The following KCNH7 variants were observed in gnomAD, a reference collection of about 807,000 sequenced individuals.
The protein encoded by KCNH7 is potassium voltage-gated channel subfamily H member 7.
KCNH7 carries 49 observed loss-of-function variants against 120.8 expected under a neutral mutation model. That is an observed-to-expected ratio of 0.41 (90% CI 0.32 to 0.51). The LOEUF (loss-of-function observed/expected upper bound fraction) is 0.51, where lower values mean the gene tolerates loss of function less well. KCNH7 is among the 20% of genes least tolerant of loss of function. The pLI is 0.38. For synonymous variants in KCNH7, 547 were observed against 516.1 expected, an observed-to-expected ratio of 1.06 and a Z score of -0.81; for missense variants, 1,097 against 1,446.6, an observed-to-expected ratio of 0.76 and a Z score of 3.92.
chr2:162,616,272 G>T (rs564136165), intron 2 of KCNH7, among the ~76,000 whole-genome samples: 3 of 152,248 alleles, frequency 2.0e-5, no homozygotes, highest in African/African-American at 4.8e-5. Flanking sequence ...GTTTATAAAG[G>T]TTGAAAATGC....
rs971670605 is a variant in KCNH7 at position 162,442,019 on chromosome 2, T to C, written c.1554+3999A>G. Reference sequence around the variant, plus strand: ...GTCTTCTTTTTTTTTTTTTTTTTTTTTTTTTTTTTTTTTTTGAGATGGAGT... The same window carrying C: ...GTCTTCTTTTTTTTTTTTTTTTTTTCTTTTTTTTTTTTTTTGAGATGGAGT... On this transcript the variant is annotated intron_variant, in intron 7 of 15. Transcript: ENST00000332142. Among the ~76,000 whole-genome samples the C allele has an allele frequency of 7.7e-3, 825 of 106,510 alleles. 24 individuals are homozygous for C. The highest frequency in any genetic ancestry group is 0.034 in the African/African-American group (782 of 22,806). 69.9% of individuals were successfully genotyped at this position (106,510 alleles called of 152,430 possible).
intron 2 of KCNH7, among the ~76,000 whole-genome samples, chr2:162,711,157 A>T (rs1686915822): frequency 1.3e-5 from 2 of 152,250 alleles, no homozygotes; most frequent in Admixed American, 6.5e-5. Context: ...TATTAAGGGG[A>T]AATGTAGATT....
intron 5 of KCNH7, among the ~76,000 whole-genome samples, chr2:162,512,226 A>T (rs2105771960): frequency 6.6e-6 from 1 of 151,946 alleles, no homozygotes; most frequent in African/African-American, 2.4e-5. Flanking sequence ...ACGTGAAACT[A>T]GTTTTGAGGA....
chr2:162,801,901 T>C (rs2105544906), intron 2 of KCNH7, among the ~76,000 whole-genome samples: 1 of 151,760 alleles, frequency 6.6e-6, no homozygotes, highest in Non-Finnish European at 1.5e-5. Flanking sequence ...GGCCCTGGAG[T>C]TTGTTATTAA....
At chr2:162,383,507 C>T (rs530138094) in intron 13 of KCNH7, among the ~76,000 whole-genome samples, 132 of 151,968 alleles carry the variant, frequency 8.7e-4, no homozygotes, top group African/African-American at 2.8e-3. Context: ...GGAAAAGCAA[C>T]TCTGGAAAAA....
chr2:162,398,691 T>A (rs1323688573), intron 10 of KCNH7, among the ~76,000 whole-genome samples: 1 of 151,908 alleles, frequency 6.6e-6, no homozygotes, highest in Non-Finnish European at 1.5e-5. Flanking sequence ...TACTACTTGA[T>A]AAAGCAAGAA....
chr2:162,549,942 T>C (rs897499622), intron 2 of KCNH7, among the ~76,000 whole-genome samples: 3 of 152,180 alleles, frequency 2.0e-5, no homozygotes, highest in African/African-American at 4.8e-5. Context: ...ATTTGTTTCA[T>C]TGATATTTTA....
chr2:162,382,668 G>A (rs956784350), intron 13 of KCNH7, among the ~76,000 whole-genome samples: 10 of 152,086 alleles, frequency 6.6e-5, no homozygotes, highest in Non-Finnish European at 1.3e-4. Context: ...GAATATGAGT[G>A]AGTGACATGT....
At chr2:162,660,961 C>A (rs1452138541) in intron 2 of KCNH7, among the ~76,000 whole-genome samples, 1 of 152,176 alleles carries the variant, frequency 6.6e-6, no homozygotes, top group Non-Finnish European at 1.5e-5. Context: ...TTGTTAACAA[C>A]AAGTTCTGTA....
chr2:162,452,675 G>A (rs1234947234), intron 6 of KCNH7, among the ~76,000 whole-genome samples: 1 of 151,930 alleles, frequency 6.6e-6, no homozygotes, highest in Non-Finnish European at 1.5e-5. Context: ...TTAAAATACA[G>A]CCACATTTCA....
intron 9 of KCNH7, among the ~76,000 whole-genome samples, chr2:162,418,290 G>T (rs1301271876): frequency 6.6e-6 from 1 of 151,962 alleles, no homozygotes; most frequent in Non-Finnish European, 1.5e-5. Context: ...ATGCATGGAG[G>T]ATTATCTGGA....
intron 6 of KCNH7, among the ~76,000 whole-genome samples, chr2:162,448,597 T>G (rs1688665197): frequency 6.6e-6 from 1 of 152,136 alleles, no homozygotes. Flanking sequence ...GTGAGTTTGC[T>G]CACTGCTTAG....
At chr2:162,749,452 T>C (rs1175784604) in intron 2 of KCNH7, among the ~76,000 whole-genome samples, 1 of 152,174 alleles carries the variant, frequency 6.6e-6, no homozygotes, top group African/African-American at 2.4e-5. Context: ...GTGGGGCTTA[T>C]GTCCTAATTT....
Position 162,373,467 on chromosome 2 carries a change from T to C in KCNH7, c.3324+3A>G, listed in dbSNP as rs2105385754. 6.6e-7 allele frequency: 1 copy of C among 1,517,264 alleles called. No individual in the cohort carries two copies. The highest frequency in any genetic ancestry group is 8.9e-7 in the Non-Finnish European group (1 of 1,128,908). 94.0% of individuals were successfully genotyped at this position (1,517,264 alleles called of 1,614,324 possible). Reference sequence around the variant, plus strand: ...CTCTTGGTTGGATGGTATCCACACTTACTTGTGAGGAAGGGCTGAAACTTC... The same window carrying C: ...CTCTTGGTTGGATGGTATCCACACTCACTTGTGAGGAAGGGCTGAAACTTC... On this transcript the variant is annotated splice_donor_region_variant and intron_variant, in intron 15 of 15. Coordinates refer to ENST00000332142, the MANE Select transcript of KCNH7 (RefSeq NM_033272.4).
At chr2:162,392,516 A>G (rs1416317965) in intron 12 of KCNH7, among the ~76,000 whole-genome samples, 1 of 151,942 alleles carries the variant, frequency 6.6e-6, no homozygotes, top group Non-Finnish European at 1.5e-5. Flanking sequence ...AAGAAAAGGG[A>G]AAAGAATAAA....
chr2:162,487,431 C>T (rs1411914185), intron 6 of KCNH7, among the ~76,000 whole-genome samples: 1 of 151,918 alleles, frequency 6.6e-6, no homozygotes, highest in Non-Finnish European at 1.5e-5. Context: ...TTAAAAACTT[C>T]AAGATTCTCA....
intron 6 of KCNH7, among the ~76,000 whole-genome samples, chr2:162,484,886 C>A (rs1690044197): frequency 6.6e-6 from 1 of 152,158 alleles, no homozygotes; most frequent in Non-Finnish European, 1.5e-5. Context: ...CGAGTGGAAG[C>A]AGCCTGAGGC....
At position 162,504,608 on chromosome 2, in the gene KCNH7, T is replaced by G; in HGVS notation, c.963A>C (p.Ser321=). 1 of 1,612,938 alleles carries G rather than the reference T, an allele frequency of 6.2e-7. No homozygotes were observed. Among genetic ancestry groups the G allele is most frequent in the Non-Finnish European group, 8.5e-7 (1 of 1,179,270 alleles). ...KSSLLGSTSD[S]NLNKYSTINK... ...TAATGGTGCTGTATTTGTTGAGGTT[T>G]GAATCTGATGTGGATCCCAGGAGGC... The change falls in exon 6 of 16, where the codon TCA becomes TCC. Residue 321 remains serine, a synonymous_variant. Transcript: ENST00000332142.
At chr2:162,820,084 G>C (rs1353757345) in intron 2 of KCNH7, among the ~76,000 whole-genome samples, 3 of 137,126 alleles carry the variant, frequency 2.2e-5, no homozygotes, top group African/African-American at 8.8e-5. Context: ...CTGTCGCCCA[G>C]GCTGGAGTGC....
Sources: allele counts gnomAD v4.1 joint callset (sites outside exome capture counted in the v4.1 genomes callset), GRCh38; gene constraint gnomAD v4.1.1; transcripts MANE v1.5; gene names NCBI Gene and HGNC (gene_info 2026-07-23, HGNC 2026-07-21).